The following SORCS2 variants were observed in gnomAD, a reference collection of about 807,000 sequenced individuals.
SORCS2 encodes the protein sortilin related VPS10 domain containing receptor 2.
SORCS2 carries 100 observed loss-of-function variants against 141.6 expected under a neutral mutation model. The observed-to-expected ratio is 0.71, with a 90% CI of 0.60 to 0.83. The LOEUF (loss-of-function observed/expected upper bound fraction) is 0.83. Ranked by LOEUF, SORCS2 falls within the 40% of genes least tolerant of loss-of-function variation. SORCS2 has a pLI of 0.00. For synonymous variants in SORCS2, 789 were observed against 676.9 expected (o/e 1.17, Z -2.57); for missense variants, 1,646 against 1,560.2 (o/e 1.05, Z -0.93).
chr4:7,437,970 C>G (rs889572208), intron 2 of SORCS2, among the ~76,000 whole-genome samples: 3 of 152,208 alleles, frequency 2.0e-5, no homozygotes, highest in African/African-American at 7.2e-5. Context: ...CATTGTATCT[C>G]TTTACCCCAG....
intron 2 of SORCS2, among the ~76,000 whole-genome samples, chr4:7,527,316 A>G (rs760683810): frequency 6.6e-6 from 1 of 152,252 alleles, no homozygotes; most frequent in African/African-American, 2.4e-5. Context: ...CAGATGGATT[A>G]AATGAAGGAT....
At chr4:7,300,650 GAGAA>G (rs1442178353) in intron 1 of SORCS2, among the ~76,000 whole-genome samples, 4 of 152,346 alleles carry the variant, frequency 2.6e-5, no homozygotes, top group Admixed American at 2.6e-4. Context: ...GCAGAGAGTG[GAGAA>G]AGAACTTGCC....
At chr4:7,327,699 A>G (rs3864202) in intron 1 of SORCS2, among the ~76,000 whole-genome samples, 73,061 of 151,948 alleles carry the variant, frequency 0.48, 21,892 homozygotes, top group African/African-American at 0.82. Context: ...TCTTGTGCAG[A>G]CCCGTCAGAC....
intron 2 of SORCS2, among the ~76,000 whole-genome samples, chr4:7,496,895 C>T (rs1408825054): frequency 4.6e-5 from 7 of 152,186 alleles, no homozygotes; most frequent in South Asian, 2.1e-4. Flanking sequence ...CTTCTCCAGG[C>T]GAGGCCAGGT....
chr4:7,562,401 T>C (rs1185844141), intron 3 of SORCS2, among the ~76,000 whole-genome samples: 1 of 152,026 alleles, frequency 6.6e-6, no homozygotes, highest in African/African-American at 2.4e-5. Context: ...AGGGATGGCC[T>C]GGGATGAGGC....
At chr4:7,575,926 A>G (rs1715719824) in intron 3 of SORCS2, among the ~76,000 whole-genome samples, 1 of 152,224 alleles carries the variant, frequency 6.6e-6, no homozygotes, top group Non-Finnish European at 1.5e-5. Flanking sequence ...TAATTTGACA[A>G]CTGAATGATC....
chr4:7,692,635 G>C (rs1182373224), intron 11 of SORCS2, among the ~76,000 whole-genome samples: 2 of 152,226 alleles, frequency 1.3e-5, no homozygotes, highest in Non-Finnish European at 2.9e-5. Flanking sequence ...GAGGAGCAAA[G>C]GGATGATGAC....
At chr4:7,600,646 CATAT>C (rs149420456) in intron 3 of SORCS2, among the ~76,000 whole-genome samples, 1,545 of 113,858 alleles carry the variant, frequency 0.014, 10 homozygotes, top group Non-Finnish European at 0.018. Context: ...TTACGATATA[CATAT>C]ATATATACAC....
chr4:7,192,880 C>G lies in SORCS2; in HGVS notation c.234C>G (p.Pro78=). Residue 78 remains proline (P), a synonymous_variant, in exon 1 of 27, where the codon CCC becomes CCG. Coordinates refer to ENST00000507866, the MANE Select transcript of SORCS2 (RefSeq NM_020777.3). This position sits in a 1 kb window ranked among gnomAD's most constrained non-coding sequence, Gnocchi z 4.0. ...GCCCTCCCGCGGGGCGCGCGGAGCC[C>G]GGTGGCGGCGAGGACCGGCAGGCGC... is the stretch of plus-strand genomic sequence containing the variant. ...PRSPPAGRAE[P]GGGEDRQARG... 9.1e-7 allele frequency: 1 copy of G among 1,101,758 alleles called. No homozygotes were observed. Among genetic ancestry groups the G allele is most frequent in the East Asian group, 5.6e-5 (1 of 18,000 alleles). The allele number at this position is 1,101,758 out of a possible 1,614,324, so 68.2% of individuals were successfully genotyped here. A position where few individuals can be genotyped will look rare whatever the true frequency, so the allele number is the denominator to read the frequency against.
chr4:7,460,946 T>A (rs1004013538), intron 2 of SORCS2, among the ~76,000 whole-genome samples: 12 of 149,044 alleles, frequency 8.1e-5, no homozygotes, highest in African/African-American at 3.0e-4. Flanking sequence ...CCGGTTTCCA[T>A]CGAGGATTTC....
At chr4:7,591,932 T>C (rs1716942972) in intron 3 of SORCS2, among the ~76,000 whole-genome samples, 1 of 152,018 alleles carries the variant, frequency 6.6e-6, no homozygotes, top group Non-Finnish European at 1.5e-5. Context: ...GGGGACCTCC[T>C]CAAAGGATTA....
chr4:7,487,297 C>G (rs1731048166), intron 2 of SORCS2, among the ~76,000 whole-genome samples: 1 of 152,216 alleles, frequency 6.6e-6, no homozygotes, highest in Non-Finnish European at 1.5e-5. Flanking sequence ...GTTACATTCC[C>G]TTGGCCCACA....
intron 3 of SORCS2, among the ~76,000 whole-genome samples, chr4:7,613,893 CATCT>C (rs1718581972): frequency 1.3e-5 from 2 of 151,970 alleles, no homozygotes; most frequent in Non-Finnish European, 2.9e-5. Context: ...ATTCACCATC[CATCT>C]ATCCACCTAT....
intron 3 of SORCS2, among the ~76,000 whole-genome samples, chr4:7,614,341 T>C (rs528049570): frequency 2.1e-3 from 312 of 149,016 alleles, no homozygotes; most frequent in African/African-American, 7.3e-3. Flanking sequence ...TCTCATCTAC[T>C]GTTCATCCAT....
At chr4:7,506,699 A>G (rs1294197283) in intron 2 of SORCS2, among the ~76,000 whole-genome samples, 1 of 152,220 alleles carries the variant, frequency 6.6e-6, no homozygotes, top group African/African-American at 2.4e-5. Flanking sequence ...TAAATTAAAC[A>G]TCTTTAAAGG....
intron 1 of SORCS2, among the ~76,000 whole-genome samples, chr4:7,385,025 G>A (rs1048495011): frequency 6.6e-6 from 1 of 152,216 alleles, no homozygotes. Context: ...ATGCTCTGCG[G>A]GCATTTGTGG....
chr4:7,688,748 C>T (rs996489606), intron 10 of SORCS2, among the ~76,000 whole-genome samples: 2 of 152,200 alleles, frequency 1.3e-5, no homozygotes, highest in Non-Finnish European at 2.9e-5. Context: ...GTCATTACCC[C>T]ACAAAGCCTT....
intron 2 of SORCS2, among the ~76,000 whole-genome samples, chr4:7,500,997 C>G (rs945520507): frequency 1.3e-5 from 2 of 152,242 alleles, no homozygotes; most frequent in African/African-American, 4.8e-5. Flanking sequence ...CAGCTCCACC[C>G]CACGTGCCCT....
chr4:7,698,937 G>A (rs976380670), intron 12 of SORCS2, among the ~76,000 whole-genome samples: 1 of 152,184 alleles, frequency 6.6e-6, no homozygotes, highest in East Asian at 1.9e-4. Flanking sequence ...GGAGGGCAGG[G>A]TGGTGAGCCC....
Sources: allele counts gnomAD v4.1 joint callset (sites outside exome capture counted in the v4.1 genomes callset), GRCh38; gene constraint gnomAD v4.1.1; non-coding constraint Gnocchi (gnomAD v3.1); transcripts MANE v1.5; gene names NCBI Gene and HGNC (gene_info 2026-07-23, HGNC 2026-07-21).